The following ZNF335 variants were observed in gnomAD, a reference collection of about 807,000 sequenced individuals.
ZNF335 encodes NRC-interacting factor 1.
Under a neutral mutation model 145.6 loss-of-function variants are expected in ZNF335, and 84 were observed. The ratio of observed to expected loss-of-function variants is 0.58; its 90% CI spans 0.48 to 0.69. The LOEUF (loss-of-function observed/expected upper bound fraction) is 0.69. Among genes scored for constraint, ZNF335 ranks in the 30% least tolerant of loss-of-function variants. ZNF335 has a pLI of 0.00. For synonymous variants in ZNF335, 761 were observed against 717.0 expected, an observed-to-expected ratio of 1.06 and a Z score of -0.98; for missense variants, 1,865 against 1,809.7, an observed-to-expected ratio of 1.03 and a Z score of -0.55.
At position 45,965,667 on chromosome 20, in the gene ZNF335, G is replaced by T. The variant is rs774100033; in HGVS notation, c.1063C>A (p.Arg355=). Residue 355 remains arginine, a synonymous_variant, in exon 7 of 28, where the codon CGG becomes AGG. Transcript: ENST00000322927. ...GAGATCTCCAGGCGGGGCAGCTTCC[G>T]GGGCCGGCCAGGTCTCCTTCGGGGC... ...PRPRRRPGRP[R]KLPRLEISDL... is the part of the protein sequence containing the mutation. The T allele has an allele frequency of 1.3e-6, 2 of 1,598,608 alleles. No homozygotes were observed. The highest frequency in any genetic ancestry group is 1.1e-5 in the South Asian group (1 of 90,206).
In ZNF335 at chr20:45,969,692, C is replaced by T. The variant is rs2084023512; in HGVS notation, c.202-1G>A. On this transcript the variant is annotated splice_acceptor_variant, in intron 2 of 27. Transcript: ENST00000322927. LOFTEE classifies it high-confidence loss of function. ...TCGAGCTGCTCTCAGATACCTCCTC[C>T]TGAGGGGCATGAAACAGGGAGGGAA... The T allele has an allele frequency of 6.2e-7, 1 of 1,610,602 alleles. No individual in the cohort carries two copies. Among genetic ancestry groups the T allele is most frequent in the African/African-American group, 1.3e-5 (1 of 74,920 alleles).
rs764520285 is a variant in ZNF335, at chr20:45,960,296, G to A, written c.1932C>T (p.Val644=). 6.2e-7 allele frequency: 1 copy of A among 1,614,178 alleles called. No homozygotes were observed. Among genetic ancestry groups the A allele is most frequent in the Non-Finnish European group, 8.5e-7 (1 of 1,180,018 alleles). The stretch of plus-strand genomic sequence containing the variant: ...AGCTGCATTTGAAGGGCTTGTCACT[G>A]ACGTGGGACAACTGGTGGTTCAGCA... The part of the protein sequence containing the change: ...KALLNHQLSH[V]SDKPFKCSFC... The change falls in exon 14 of 28, where the codon GTC becomes GTT. Residue 644 remains valine (V), a synonymous_variant. Coordinates refer to ENST00000322927, the MANE Select transcript of ZNF335 (RefSeq NM_022095.4).
rs1191133551 is a variant in ZNF335, at chr20:45,950,481, G to T, written c.3304C>A (p.Pro1102Thr). The change falls in exon 21 of 28, where the codon CCT becomes ACT. Residue 1102 changes from proline (P) to threonine (T), a missense_variant. Transcript: ENST00000322927. ...RHMLTHTKEK[P>T]FACHLCGQRF... ...TGCCCGCAGAGGTGGCATGCAAAAG[G>T]CTTCTCCTTTGTGTGAGTCAGCATG... 17 of 1,614,112 alleles carry T rather than the reference G, an allele frequency of 1.1e-5. No individual in the cohort carries two copies. The highest frequency in any genetic ancestry group is 1.4e-5 in the Non-Finnish European group (17 of 1,180,054).
chr20:45,949,808 C>T lies in ZNF335; in HGVS notation c.3661G>A (p.Asp1221Asn), dbSNP rs1365216449. Residue 1221 changes from aspartate to asparagine, a missense_variant, in exon 24 of 28, where the codon GAC (aspartate) becomes AAC (asparagine). Asp to Asn is a conservative substitution (Grantham distance 23). Transcript: ENST00000322927. ...AGTAGCTAGTAGCTCACCTGGTTGT[C>T]GGAGGTCACCAGGTGCTGTACGGTC... ...GQTVQHLVTSDNQVQYIISQD... is the reference protein window; with the variant it reads ...GQTVQHLVTSNNQVQYIISQD... The T allele has an allele frequency of 8.7e-6, 14 of 1,614,066 alleles. No homozygotes were observed. The highest frequency in any genetic ancestry group is 6.7e-5 in the East Asian group (3 of 44,866).
intron 17 of ZNF335, 46 bp from the exon 18 acceptor site, chr20:45,953,994 G>C (rs1186484536): frequency 1.3e-6 from 2 of 1,529,540 alleles, no homozygotes. Context: ...GGTGGCAGAG[G>C]AGCGGGTATG....
chr20:45,951,933 C>T (rs189269593), intron 20 of ZNF335, among the ~76,000 whole-genome samples: 6 of 152,340 alleles, frequency 3.9e-5, no homozygotes, highest in Non-Finnish European at 7.3e-5. Flanking sequence ...ACACTCGGGA[C>T]ACTGTGTCTG....
intron 4 of ZNF335, 43 bp from the exon 5 acceptor site, chr20:45,968,070 C>A: frequency 6.2e-7 from 1 of 1,608,922 alleles, no homozygotes; most frequent in Non-Finnish European, 8.5e-7. Context: ...AAATGGAGGG[C>A]AGCACTGGCC....
rs2083645483 is a variant in ZNF335 at position 45,952,169 on chromosome 20, G to A, written c.3167C>T (p.Ala1056Val). 1 of 1,606,572 alleles carries A rather than the reference G, an allele frequency of 6.2e-7. No homozygotes were observed. Among genetic ancestry groups the A allele is most frequent in the Admixed American group, 1.7e-5 (1 of 59,600 alleles). The change falls in exon 20 of 28, where the codon GCC (alanine) becomes GTC (valine). Residue 1056 changes from alanine (A) to valine (V), a missense_variant. Coordinates refer to ENST00000322927, the MANE Select transcript of ZNF335 (RefSeq NM_022095.4). ...AFKCPDCPFS[A>V]RQWPEVRAHM... ...TACCCGGACCTCGGGCCACTGGCGG[G>A]CACTGAAGGGGCAGTCGGGGCACTT...
chr20:45,957,104 A>G (rs2145375625), intron 17 of ZNF335, among the ~76,000 whole-genome samples: 1 of 152,202 alleles, frequency 6.6e-6, no homozygotes, highest in South Asian at 2.1e-4. Flanking sequence ...GGAGGGGCAA[A>G]GGTGTTGAAC....
At chr20:45,954,037 G>A in intron 17 of ZNF335, 89 bp from the exon 18 acceptor site, 1 of 1,441,160 alleles carries the variant, frequency 6.9e-7, no homozygotes, top group Non-Finnish European at 9.3e-7. Flanking sequence ...TGTCCCAGAT[G>A]CACCCACACA....
chr20:45,950,198 G>T, intron 22 of ZNF335, 21 bp downstream of exon 22: 1 of 1,554,672 alleles, frequency 6.4e-7, no homozygotes, highest in Non-Finnish European at 8.7e-7. Context: ...TGCCCACCCT[G>T]TGGCCCCAGG....
At chr20:45,969,844 A>C in intron 2 of ZNF335, 153 bp from the exon 3 acceptor site, 1 of 986,594 alleles carries the variant, frequency 1.0e-6, no homozygotes, top group Non-Finnish European at 1.4e-6. Context: ...GACCAGTGAG[A>C]GAGGCCCTCC....
At position 45,960,265 on chromosome 20, in the gene ZNF335, G is replaced by A. The variant is rs117132825; in HGVS notation, c.1963C>T (p.Pro655Ser). The change falls in exon 14 of 28, where the codon CCC (proline) becomes TCC (serine). Residue 655 changes from proline to serine, a missense_variant. Physicochemically the swap from Pro to Ser is moderately conservative, Grantham distance 74. Transcript: ENST00000322927. The stretch of plus-strand genomic sequence containing the variant: ...AAGTCCTCTCGGAAGGTGCGGTAGG[G>A]ACAAAAGCTGCATTTGAAGGGCTTG... ...SDKPFKCSFC[P>S]YRTFREDFLL... 19,335 of 1,614,152 alleles carry A rather than the reference G, an allele frequency of 0.012. 259 individuals carry two copies. The highest frequency in any genetic ancestry group is 0.045 in the South Asian group (4,134 of 91,076).
chr20:45,967,519 G>A lies in ZNF335; in HGVS notation c.930C>T (p.Asp310=), dbSNP rs35959479. 6.5e-5 allele frequency: 105 copies of A among 1,614,044 alleles called. No homozygotes were observed. The highest frequency in any genetic ancestry group is 1.0e-4 in the Admixed American group (6 of 60,016). ...PEEEDDDDIV[D]AGAIDDLEED... ...CCTCCAGGTCATCAATGGCTCCAGC[G>A]TCTACAATGTCATCATCGTCCTCCT... The change falls in exon 6 of 28, where the codon GAC becomes GAT. Residue 310 remains aspartate (D), a synonymous_variant. Coordinates refer to ENST00000322927, the MANE Select transcript of ZNF335 (RefSeq NM_022095.4).
Position 45,960,681 on chromosome 20 carries a change from T to G in ZNF335, c.1717A>C (p.Met573Leu), listed in dbSNP as rs1168147363. 2 of 1,614,022 alleles carry G rather than the reference T, an allele frequency of 1.2e-6. No individual in the cohort carries two copies. Among genetic ancestry groups the G allele is most frequent in the African/African-American group, 2.7e-5 (2 of 74,974 alleles). Residue 573 changes from methionine to leucine, a missense_variant, in exon 12 of 28, where the codon ATG becomes CTG. By Grantham distance (15) the Met-to-Leu change is conservative. Coordinates refer to ENST00000322927, the MANE Select transcript of ZNF335 (RefSeq NM_022095.4). ...ATGTGCTGCGTGAGTCTTTTCTGCA[T>G]GGGGTACACACGGCCACACACAGGG... The part of the protein sequence containing the change: ...PCPVCGRVYP[M>L]QKRLTQHMKT...
At chr20:45,971,600 T>C (rs924594385) in intron 1 of ZNF335, 140 bp from the exon 2 acceptor site, 15 of 1,436,258 alleles carry the variant, frequency 1.0e-5, no homozygotes, top group Middle Eastern at 4.7e-4. Flanking sequence ...TCCTGGTGTA[T>C]TGCGAGGGGA....
intron 14 of ZNF335, 54 bp downstream of exon 14, chr20:45,960,154 G>A (rs1057414925): frequency 6.3e-5 from 100 of 1,599,166 alleles, no homozygotes; most frequent in Non-Finnish European, 7.9e-5. Flanking sequence ...CCTCTGATCA[G>A]GGGTACAGGG....
In ZNF335 at chr20:45,960,458, G is replaced by A. The variant is rs1177723755; in HGVS notation, c.1850C>T (p.Ala617Val). Residue 617 changes from alanine (A) to valine (V), a missense_variant, in exon 13 of 28, where the codon GCC becomes GTC. Physicochemically the swap from Ala to Val is moderately conservative, Grantham distance 64. Coordinates refer to ENST00000322927, the MANE Select transcript of ZNF335 (RefSeq NM_022095.4). ...MHLLTHIQAV[A>V]NRRFKCEFCE... Reference sequence around the variant, plus strand: ...CTCCAAGGGGATGTACCTGCGGTTGGCAACAGCCTGGATGTGCGTGAGCAG... The same window carrying A: ...CTCCAAGGGGATGTACCTGCGGTTGACAACAGCCTGGATGTGCGTGAGCAG... The A allele has an allele frequency of 6.2e-7, 1 of 1,614,206 alleles. No homozygotes were observed. Among genetic ancestry groups the A allele is most frequent in the Admixed American group, 1.7e-5 (1 of 60,024 alleles).
intron 17 of ZNF335, among the ~76,000 whole-genome samples, chr20:45,955,175 C>A (rs2083704654): frequency 6.6e-6 from 1 of 150,740 alleles, no homozygotes; most frequent in Non-Finnish European, 1.5e-5. Flanking sequence ...ATGGTGAAAC[C>A]CCATCTCTAC....
Sources: allele counts gnomAD v4.1 joint callset (sites outside exome capture counted in the v4.1 genomes callset), GRCh38; gene constraint gnomAD v4.1.1; transcripts MANE v1.5; gene names NCBI Gene and HGNC (gene_info 2026-07-23, HGNC 2026-07-21).